OPCML: variants seen among roughly 807,000 people sequenced by gnomAD.
OPCML encodes the protein opioid-binding protein/cell adhesion molecule.
OPCML carries 13 observed loss-of-function variants against 37.8 expected under a neutral mutation model. That is an observed-to-expected ratio of 0.34 (90% CI 0.22 to 0.55). The LOEUF (loss-of-function observed/expected upper bound fraction) is 0.55. OPCML is among the 20% of genes least tolerant of loss of function. OPCML has a pLI of 0.91. For synonymous variants in OPCML, 176 were observed against 168.8 expected (o/e 1.04, Z -0.33); for missense variants, 341 against 435.6 (o/e 0.78, Z 1.93).
At chr11:133,130,112 A>G (rs991950273) in intron 1 of OPCML, among the ~76,000 whole-genome samples, 4 of 152,078 alleles carry the variant, frequency 2.6e-5, no homozygotes, top group African/African-American at 9.7e-5. Flanking sequence ...TGAGCAAACA[A>G]TCATCTAAGC....
At chr11:133,075,049 C>G (rs945199540) in intron 1 of OPCML, among the ~76,000 whole-genome samples, 2 of 152,168 alleles carry the variant, frequency 1.3e-5, no homozygotes, top group Non-Finnish European at 2.9e-5. Flanking sequence ...AGTGTGCGTG[C>G]AGTGGACGTC....
intron 1 of OPCML, among the ~76,000 whole-genome samples, chr11:133,310,193 A>T (rs1029835272): frequency 2.0e-5 from 3 of 152,194 alleles, no homozygotes; most frequent in African/African-American, 7.2e-5. Flanking sequence ...GAAAAGGGGT[A>T]TGGCTTACTC....
chr11:133,422,878 C>T, intron 1 of OPCML: 1 of 958,356 alleles, frequency 1.0e-6, no homozygotes, highest in African/African-American at 1.8e-5. Context: ...AAATCTGAGG[C>T]TTAGGATGAA....
At chr11:133,218,379 G>A (rs1233996825) in intron 1 of OPCML, among the ~76,000 whole-genome samples, 1 of 152,160 alleles carries the variant, frequency 6.6e-6, no homozygotes, top group Non-Finnish European at 1.5e-5. Context: ...GGCAGTAAAC[G>A]TTAAGTGATC....
chr11:132,675,155 A>ATGTGTGTG (rs35219821), intron 2 of OPCML, among the ~76,000 whole-genome samples: 58 of 144,072 alleles, frequency 4.0e-4, no homozygotes, highest in South Asian at 3.1e-3. Context: ...ATATATATGT[A>ATGTGTGTG]TGTGTGTGTG....
At chr11:133,204,866 GTGTATA>G (rs1237318976) in intron 1 of OPCML, among the ~76,000 whole-genome samples, 1 of 25,216 alleles carries the variant, frequency 4.0e-5, no homozygotes, top group Non-Finnish European at 7.4e-5. Flanking sequence ...ATATATATAT[GTGTATA>G]TATATATATA....
chr11:133,318,467 C>T (rs1163897643), intron 1 of OPCML, among the ~76,000 whole-genome samples: 5 of 149,422 alleles, frequency 3.3e-5, no homozygotes, highest in Non-Finnish European at 7.4e-5. Context: ...ATCGCCATGA[C>T]CCCTGCTGTT....
intron 1 of OPCML, chr11:133,420,405 T>C: frequency 1.0e-6 from 1 of 985,480 alleles, no homozygotes; most frequent in Non-Finnish European, 1.2e-6. Context: ...ATTAACTCTT[T>C]GTTCAATGCA....
intron 1 of OPCML, among the ~76,000 whole-genome samples, chr11:133,428,005 A>G (rs1208853762): frequency 6.6e-6 from 1 of 152,208 alleles, no homozygotes; most frequent in African/African-American, 2.4e-5. Flanking sequence ...ATAAAAGATA[A>G]CACCAAGATG....
intron 4 of OPCML, among the ~76,000 whole-genome samples, chr11:132,450,758 C>T (rs1359595684): frequency 6.6e-6 from 1 of 152,068 alleles, no homozygotes; most frequent in East Asian, 1.9e-4. Flanking sequence ...CCTTCCTCAC[C>T]ATTGAGGAAG....
chr11:132,445,680 C>T (rs963194687), intron 4 of OPCML, among the ~76,000 whole-genome samples: 3 of 152,162 alleles, frequency 2.0e-5, no homozygotes, highest in African/African-American at 7.2e-5. Context: ...GCACCAGCAT[C>T]CTCTAAAACT....
chr11:132,428,553 A>G (rs947516140), intron 7 of OPCML, among the ~76,000 whole-genome samples: 1 of 152,216 alleles, frequency 6.6e-6, no homozygotes, highest in Admixed American at 6.5e-5. Context: ...GAGTCCAGAA[A>G]GTATGCACTC....
chr11:133,317,081 C>A (rs528891349), intron 1 of OPCML, among the ~76,000 whole-genome samples: 1 of 152,264 alleles, frequency 6.6e-6, no homozygotes, highest in South Asian at 2.1e-4. Context: ...GCCTGTAGTC[C>A]CAGCTACTCA....
At position 132,416,011 on chromosome 11, in the gene OPCML, G is replaced by C. The variant is rs1441279141; in HGVS notation, c.*4182C>G. ...ATTTGTCTTCAAGTAAAAAGACAGG[G>C]AAGCTCTGAATAATAGGAGGGGAGG... On this transcript the variant is annotated 3_prime_UTR_variant, in exon 8 of 8. Coordinates refer to ENST00000524381, the MANE Select transcript of OPCML (RefSeq NM_001012393.5). The C allele has an allele frequency of 6.6e-6, 1 of 152,588 alleles. No homozygotes were observed. The highest frequency in any genetic ancestry group is 1.5e-5 in the Non-Finnish European group (1 of 68,040). 9.5% of individuals were successfully genotyped at this position (152,588 alleles called of 1,614,324 possible).
chr11:132,742,124 A>G (rs916337137), intron 2 of OPCML, among the ~76,000 whole-genome samples: 1 of 152,230 alleles, frequency 6.6e-6, no homozygotes, highest in Non-Finnish European at 1.5e-5. Context: ...GTGATTTTCT[A>G]TGCTGTGAAT....
intron 1 of OPCML, among the ~76,000 whole-genome samples, chr11:133,033,895 A>G (rs79260768): frequency 0.033 from 4,937 of 149,156 alleles, 195 homozygotes; most frequent in East Asian, 0.14. Context: ...TAAGAAAACC[A>G]TGGTTCAAAA....
At position 132,453,143 on chromosome 11, in the gene OPCML, C is replaced by G. The variant is rs558373486; in HGVS notation, c.506-15784G>C. On this transcript the variant is annotated intron_variant, in intron 4 of 7. Transcript: ENST00000524381. ...GCCCCTCATCTGGGTTCCTGTAGAACGTACATTTATCTTCGCATTTGTCAT... is the reference window on the plus strand; with the variant it reads ...GCCCCTCATCTGGGTTCCTGTAGAAGGTACATTTATCTTCGCATTTGTCAT... Among the ~76,000 whole-genome samples the G allele has an allele frequency of 7.2e-4, 110 of 152,256 alleles. No individual in the cohort carries two copies. The Middle Eastern group carries it at 0.01, about 14-fold the overall frequency.
At chr11:133,492,249 C>A (rs1046120832) in intron 1 of OPCML, among the ~76,000 whole-genome samples, 1 of 152,200 alleles carries the variant, frequency 6.6e-6, no homozygotes. Context: ...TGCCTCCCCA[C>A]CGCACTGGGT....
chr11:132,655,117 G>T (rs553725264), intron 3 of OPCML, among the ~76,000 whole-genome samples: 3 of 152,302 alleles, frequency 2.0e-5, no homozygotes, highest in East Asian at 3.9e-4. Flanking sequence ...ACTTTGATTT[G>T]CTTATATCAT....
Sources: allele counts gnomAD v4.1 joint callset (sites outside exome capture counted in the v4.1 genomes callset), GRCh38; gene constraint gnomAD v4.1.1; transcripts MANE v1.5; gene names NCBI Gene and HGNC (gene_info 2026-07-23, HGNC 2026-07-21).